Variants in PFKP observed in about 807,000 individuals in gnomAD.
PFKP encodes the protein phosphofructokinase, platelet.
In PFKP, 101 loss-of-function variants were observed where a neutral mutation model predicts 94.3. The ratio of observed to expected loss-of-function variants is 1.07; its 90% CI spans 0.91 to 1.26. The LOEUF (loss-of-function observed/expected upper bound fraction) is 1.26, where lower values mean the gene tolerates loss of function less well. PFKP is among the 50% of genes most tolerant of loss of function. PFKP has a pLI of 0.00. For missense variants in PFKP, 1,145 were observed against 1,103.3 expected, an observed-to-expected ratio of 1.04 and a Z score of -0.53; for synonymous variants, 573 against 432.6, an observed-to-expected ratio of 1.32 and a Z score of -4.03.
At chr10:3,091,964 A>G (rs961091730) in intron 2 of PFKP, among the ~76,000 whole-genome samples, 2 of 152,190 alleles carry the variant, frequency 1.3e-5, no homozygotes, top group African/African-American at 2.4e-5. Flanking sequence ...ATTAAAAATA[A>G]CACATTCAAA....
chr10:3,084,714 G>GCACA (rs1564274531), intron 2 of PFKP, among the ~76,000 whole-genome samples: 2 of 67,878 alleles, frequency 2.9e-5, no homozygotes, highest in African/African-American at 5.2e-5. Context: ...CCCCTCCCCA[G>GCACA]GAGAGTCCTC....
intron 9 of PFKP, 112 bp from the exon 10 acceptor site, chr10:3,109,243 G>GA: frequency 7.2e-7 from 1 of 1,382,066 alleles, no homozygotes; most frequent in Non-Finnish European, 1.0e-6. Context: ...CTGGAAGCGG[G>GA]AGGGGCTGTG....
At chr10:3,135,444 C>CCTG (rs3830218) in intron 20 of PFKP, among the ~76,000 whole-genome samples, 63,202 of 151,928 alleles carry the variant, frequency 0.42, 13,225 homozygotes, top group African/African-American at 0.45. Flanking sequence ...AAATTAGTGT[C>CCTG]CTGTAATTTA....
rs373660456 is a variant in PFKP at position 3,118,825 on chromosome 10, C to G, written c.1486C>G (p.Arg496Gly). 9 of 1,613,604 alleles carry G rather than the reference C, an allele frequency of 5.6e-6. No individual in the cohort carries two copies. The highest frequency in any genetic ancestry group is 1.1e-5 in the South Asian group (1 of 90,984). The change falls in exon 15 of 22, where the codon CGC (arginine) becomes GGC (glycine). Residue 496 changes from arginine (R) to glycine (G), a missense_variant. Arg to Gly is a moderately radical substitution (Grantham distance 125, BLOSUM62 -2). Around this residue, in one of 3 missense-constraint regions of PFKP, gnomAD observed 1,119 missense variants for 1,062.8 expected, o/e 1.05. Transcript: ENST00000381125. ...KYLEEIATQM[R>G]THSINALLII... ...CTTGGAAGAGATCGCCACACAGATG[C>G]GCACGCACAGCATCAACGCGCTGCT...
chr10:3,126,088 G>A (rs1373405312), intron 16 of PFKP, among the ~76,000 whole-genome samples: 1 of 152,200 alleles, frequency 6.6e-6, no homozygotes, highest in Non-Finnish European at 1.5e-5. Context: ...AGTTTGCAGT[G>A]AAAACTCCCA....
intron 2 of PFKP, among the ~76,000 whole-genome samples, chr10:3,095,341 C>T (rs184203013): frequency 8.4e-6 from 1 of 118,438 alleles, no homozygotes; most frequent in East Asian, 2.1e-4. Flanking sequence ...ATAGAATGAT[C>T]TCCTACATGG....
At chr10:3,083,590 G>A (rs534915846) in intron 2 of PFKP, among the ~76,000 whole-genome samples, 11 of 152,192 alleles carry the variant, frequency 7.2e-5, no homozygotes, top group Middle Eastern at 3.4e-3. Context: ...TTTTGTTTAC[G>A]ATTATGTCAT....
intron 9 of PFKP, 106 bp from the exon 10 acceptor site, chr10:3,109,249 C>T (rs189761678): frequency 4.4e-4 from 630 of 1,440,806 alleles, no homozygotes; most frequent in Non-Finnish European, 5.7e-4. Flanking sequence ...GCGGGAGGGG[C>T]TGTGAGCACC....
intron 16 of PFKP, among the ~76,000 whole-genome samples, chr10:3,126,919 C>T (rs60930981): frequency 0.14 from 21,120 of 152,284 alleles, 1,496 homozygotes; most frequent in African/African-American, 0.16. Context: ...GCTGAGGTCA[C>T]AGGCTTTGCC....
intron 2 of PFKP, among the ~76,000 whole-genome samples, chr10:3,093,887 C>T (rs1834270551): frequency 6.6e-6 from 1 of 152,136 alleles, no homozygotes; most frequent in Non-Finnish European, 1.5e-5. Context: ...TTGTGATCCG[C>T]CCGCCTTGGC....
intron 1 of PFKP, among the ~76,000 whole-genome samples, chr10:3,067,923 G>C (rs912080054): frequency 1.3e-5 from 2 of 152,186 alleles, no homozygotes; most frequent in Non-Finnish European, 2.9e-5. Context: ...AGGGGTACCT[G>C]CGGGGCGGCA....
chr10:3,110,959 AGT>A (rs1010804597), intron 10 of PFKP, among the ~76,000 whole-genome samples: 30 of 146,722 alleles, frequency 2.0e-4, no homozygotes, highest in East Asian at 1.4e-3. Context: ...TGTGCATGTT[AGT>A]GTGTGTGCAT....
chr10:3,093,895 G>A (rs191051073), intron 2 of PFKP, among the ~76,000 whole-genome samples: 3,447 of 152,170 alleles, frequency 0.023, 139 homozygotes, highest in African/African-American at 0.08. Context: ...CGCCCGCCTT[G>A]GCCTCCCAAA....
At chr10:3,083,307 C>T (rs1833235008) in intron 2 of PFKP, among the ~76,000 whole-genome samples, 1 of 152,044 alleles carries the variant, frequency 6.6e-6, no homozygotes, top group South Asian at 2.1e-4. Context: ...GAAGTCCTGG[C>T]AACTTAAGAC....
intron 1 of PFKP, among the ~76,000 whole-genome samples, chr10:3,079,255 G>C (rs1295341614): frequency 6.7e-6 from 1 of 149,948 alleles, no homozygotes; most frequent in East Asian, 2.0e-4. Context: ...TTTTTTCTGA[G>C]ACAGAGTCTC....
intron 16 of PFKP, among the ~76,000 whole-genome samples, chr10:3,120,820 C>T (rs141078617): frequency 1.3e-4 from 20 of 152,082 alleles, no homozygotes; most frequent in African/African-American, 3.1e-4. Flanking sequence ...CCACCATTCC[C>T]GGCTAAAAGA....
chr10:3,123,979 G>A (rs868430537), intron 16 of PFKP, among the ~76,000 whole-genome samples: 3 of 149,674 alleles, frequency 2.0e-5, no homozygotes, highest in East Asian at 2.0e-4. Context: ...TTCACAGCTC[G>A]CCTTGTGGTC....
intron 16 of PFKP, among the ~76,000 whole-genome samples, chr10:3,126,940 C>T (rs896644891): frequency 6.6e-6 from 1 of 152,224 alleles, no homozygotes; most frequent in Non-Finnish European, 1.5e-5. Flanking sequence ...TGACAAGTGC[C>T]ACTCACAGCT....
chr10:3,069,100 C>G (rs1203264524), intron 1 of PFKP: 1 of 350,638 alleles, frequency 2.9e-6, no homozygotes, highest in East Asian at 8.3e-5. Context: ...GACACCCGTG[C>G]GCCGCGCGCT....
Sources: allele counts gnomAD v4.1 joint callset (sites outside exome capture counted in the v4.1 genomes callset), GRCh38; gene constraint gnomAD v4.1.1; regional missense constraint gnomAD v4.1.1; transcripts MANE v1.5; gene names NCBI Gene and HGNC (gene_info 2026-07-23, HGNC 2026-07-21).